Variants in NR6A1 observed in about 807,000 individuals in gnomAD.
NR6A1 encodes the protein retinoic acid receptor-related testis-associated receptor.
A neutral mutation model predicts 59.1 loss-of-function variants in NR6A1; 7 were observed. The observed-to-expected ratio is 0.12, with a 90% CI of 0.07 to 0.22. The LOEUF is 0.22. NR6A1 is among the 10% of genes least tolerant of loss of function. NR6A1 has a pLI of 1.00. For synonymous variants in NR6A1, 243 were observed against 236.1 expected, an observed-to-expected ratio of 1.03 and a Z score of -0.27; for missense variants, 468 against 611.6, an observed-to-expected ratio of 0.77 and a Z score of 2.48.
At chr9:124,552,735 T>G (rs1039971293) in intron 3 of NR6A1, among the ~76,000 whole-genome samples, 15 of 152,214 alleles carry the variant, frequency 9.9e-5, no homozygotes, top group African/African-American at 3.6e-4. Context: ...AGGGTTGTTG[T>G]ATGTATTCAG....
At chr9:124,764,040 T>G (rs931557042) in intron 1 of NR6A1, among the ~76,000 whole-genome samples, 9 of 151,918 alleles carry the variant, frequency 5.9e-5, no homozygotes, top group African/African-American at 2.2e-4. Context: ...AAAAATTAGC[T>G]GGGCATGGTG....
intron 2 of NR6A1, among the ~76,000 whole-genome samples, chr9:124,612,717 T>C (rs1043767441): frequency 3.3e-5 from 5 of 152,256 alleles, no homozygotes; most frequent in Non-Finnish European, 7.3e-5. Context: ...ACAACTCTTG[T>C]ACTGTGGGTA....
intron 9 of NR6A1, 48 bp from the exon 10 acceptor site, chr9:124,522,841 G>A: frequency 6.8e-7 from 1 of 1,475,310 alleles, no homozygotes; most frequent in Non-Finnish European, 9.2e-7. Context: ...CACTCTAGTG[G>A]ACAGGCAAGT....
In NR6A1 at chr9:124,538,273, T is replaced by C. The variant is rs1408806956; in HGVS notation, c.643A>G (p.Met215Val). ...TAATGTGGAGGCACAGACATTCCCA[T>C]GTACTGTTCCCTGAAGGCCATGAAT... ...NGFMAFREQY[M>V]GMSVPPHYQY... The change falls in exon 6 of 10, where the codon ATG (methionine) becomes GTG (valine). Residue 215 changes from methionine to valine, a missense_variant. Coordinates refer to ENST00000487099, the MANE Select transcript of NR6A1 (RefSeq NM_033334.4). 3.1e-6 allele frequency: 5 copies of C among 1,614,202 alleles called. No homozygotes were observed. Among genetic ancestry groups the C allele is most frequent in the African/African-American group, 1.3e-5 (1 of 75,052 alleles).
At chr9:124,770,581 G>T (rs948545924) in intron 1 of NR6A1, among the ~76,000 whole-genome samples, 1 of 149,820 alleles carries the variant, frequency 6.7e-6, no homozygotes, top group Non-Finnish European at 1.5e-5. Flanking sequence ...CGAGTGAGGG[G>T]ATGCCCCCAC....
chr9:124,662,817 T>C (rs1837486927), intron 2 of NR6A1, among the ~76,000 whole-genome samples: 1 of 152,246 alleles, frequency 6.6e-6, no homozygotes, highest in Non-Finnish European at 1.5e-5. Flanking sequence ...TGTTCTCTTG[T>C]GTTCAGTCTT....
intron 3 of NR6A1, among the ~76,000 whole-genome samples, chr9:124,553,065 C>T (rs1338791515): frequency 1.3e-5 from 2 of 152,108 alleles, no homozygotes; most frequent in East Asian, 1.9e-4. Flanking sequence ...TACTTAATCC[C>T]GTAGAGAACT....
chr9:124,726,555 G>C (rs557904863), intron 2 of NR6A1, among the ~76,000 whole-genome samples: 1 of 152,316 alleles, frequency 6.6e-6, no homozygotes, highest in South Asian at 2.1e-4. Flanking sequence ...ATTTGGGGAG[G>C]GTGGAGAGAG....
At chr9:124,742,157 C>T (rs1347738922) in intron 1 of NR6A1, among the ~76,000 whole-genome samples, 1 of 152,174 alleles carries the variant, frequency 6.6e-6, no homozygotes, top group African/African-American at 2.4e-5. Context: ...GCAACAGTGA[C>T]TGAAAATATA....
At chr9:124,766,514 T>C (rs1488907812) in intron 1 of NR6A1, among the ~76,000 whole-genome samples, 1 of 152,216 alleles carries the variant, frequency 6.6e-6, no homozygotes, top group Non-Finnish European at 1.5e-5. Context: ...TCTGACCTTT[T>C]TCCCACATGA....
intron 2 of NR6A1, among the ~76,000 whole-genome samples, chr9:124,674,911 A>G (rs1837907097): frequency 6.6e-6 from 1 of 152,254 alleles, no homozygotes; most frequent in African/African-American, 2.4e-5. Flanking sequence ...AGAGAGATAG[A>G]GGAAAATGAT....
chr9:124,691,201 A>C (rs912933471), intron 2 of NR6A1, among the ~76,000 whole-genome samples: 2 of 152,244 alleles, frequency 1.3e-5, no homozygotes, highest in African/African-American at 4.8e-5. Flanking sequence ...ATTTACTGTC[A>C]TAACACTGAA....
chr9:124,630,542 C>T (rs571575597), intron 2 of NR6A1, among the ~76,000 whole-genome samples: 8 of 150,228 alleles, frequency 5.3e-5, no homozygotes, highest in Admixed American at 4.7e-4. Flanking sequence ...AGCCCCAACT[C>T]GGCTTAAAAC....
intron 3 of NR6A1, among the ~76,000 whole-genome samples, chr9:124,550,330 T>A (rs1355334685): frequency 6.6e-6 from 1 of 151,988 alleles, no homozygotes; most frequent in Non-Finnish European, 1.5e-5. Flanking sequence ...CATCCATTAG[T>A]AGGTTTTGCT....
chr9:124,629,305 G>T (rs529158393), intron 2 of NR6A1, among the ~76,000 whole-genome samples: 1 of 152,202 alleles, frequency 6.6e-6, no homozygotes, highest in African/African-American at 2.4e-5. Flanking sequence ...GAAACCAGCT[G>T]TAAAGTGAGA....
chr9:124,721,128 CT>C (rs1255579773), intron 2 of NR6A1, among the ~76,000 whole-genome samples: 2 of 152,212 alleles, frequency 1.3e-5, no homozygotes, highest in Admixed American at 1.3e-4. Flanking sequence ...AATCTCCAGA[CT>C]TAGATATTCA....
intron 2 of NR6A1, among the ~76,000 whole-genome samples, chr9:124,665,010 C>CAAAAAA (rs59451556): frequency 7.3e-5 from 1 of 13,742 alleles, no homozygotes; most frequent in South Asian, 3.4e-3. Flanking sequence ...CTTGTATCTC[C>CAAAAAA]AAAAAAAAAA....
At chr9:124,739,141 T>C (rs1317784741) in intron 1 of NR6A1, among the ~76,000 whole-genome samples, 1 of 146,070 alleles carries the variant, frequency 6.8e-6, no homozygotes. Context: ...TGAGCCCAGA[T>C]CACATCACTG....
chr9:124,636,360 G>A (rs1836611715), intron 2 of NR6A1, among the ~76,000 whole-genome samples: 1 of 151,988 alleles, frequency 6.6e-6, no homozygotes, highest in Non-Finnish European at 1.5e-5. Flanking sequence ...CCAGTCTGTG[G>A]CTTGTTTTTT....
Sources: allele counts gnomAD v4.1 joint callset (sites outside exome capture counted in the v4.1 genomes callset), GRCh38; gene constraint gnomAD v4.1.1; transcripts MANE v1.5; gene names NCBI Gene and HGNC (gene_info 2026-07-23, HGNC 2026-07-21).